The following SIPA1L1 variants were observed in gnomAD, a reference collection of about 807,000 sequenced individuals.
SIPA1L1 encodes signal-induced proliferation-associated 1-like protein 1.
In SIPA1L1, 26 loss-of-function variants were observed where a neutral mutation model predicts 162.7. The observed-to-expected ratio is 0.16, with a 90% CI of 0.12 to 0.22. The LOEUF (loss-of-function observed/expected upper bound fraction) is 0.22. Among genes scored for constraint, SIPA1L1 ranks in the 10% least tolerant of loss-of-function variants. SIPA1L1 has a pLI of 1.00. For synonymous variants in SIPA1L1, 829 were observed against 837.4 expected (o/e 0.99, Z 0.17); for missense variants, 1,874 against 2,241.0 (o/e 0.84, Z 3.31).
At chr14:71,631,898 T>C (rs980496349) in intron 7 of SIPA1L1, among the ~76,000 whole-genome samples, 1 of 152,182 alleles carries the variant, frequency 6.6e-6, no homozygotes, top group Non-Finnish European at 1.5e-5. Flanking sequence ...CTTCAGGAAG[T>C]AGTTAAGAGA....
At chr14:71,507,967 T>C (rs1346348899) in intron 2 of SIPA1L1, among the ~76,000 whole-genome samples, 1 of 152,112 alleles carries the variant, frequency 6.6e-6, no homozygotes, top group Admixed American at 6.5e-5. Context: ...GGAAATATTT[T>C]TCTACTGTAA....
intron 20 of SIPA1L1, among the ~76,000 whole-genome samples, chr14:71,732,169 C>G (rs2084851643): frequency 6.6e-6 from 1 of 152,188 alleles, no homozygotes; most frequent in Admixed American, 6.5e-5. Context: ...AGCAGCTGTA[C>G]TTCAGAGAAG....
intron 2 of SIPA1L1, among the ~76,000 whole-genome samples, chr14:71,407,521 C>T (rs2042111095): frequency 8.0e-6 from 1 of 124,534 alleles, no homozygotes; most frequent in South Asian, 2.7e-4. Context: ...CCTCCTTTCC[C>T]TCCCTCCCAG....
intron 2 of SIPA1L1, among the ~76,000 whole-genome samples, chr14:71,343,825 A>G (rs936131615): frequency 2.0e-5 from 3 of 152,330 alleles, no homozygotes; most frequent in Admixed American, 6.5e-5. Context: ...AACAAAACCA[A>G]GAACAGTGTT....
intron 3 of SIPA1L1, among the ~76,000 whole-genome samples, chr14:71,518,159 G>A (rs773831085): frequency 2.0e-5 from 3 of 151,732 alleles, no homozygotes; most frequent in Admixed American, 1.3e-4. Flanking sequence ...TGGCTCACAC[G>A]TGTAGTTTCA....
intron 2 of SIPA1L1, among the ~76,000 whole-genome samples, chr14:71,339,175 A>G (rs1272964697): frequency 1.3e-5 from 2 of 152,170 alleles, no homozygotes; most frequent in African/African-American, 4.8e-5. Flanking sequence ...TCAGGTAGGT[A>G]TAGATTCTCT....
At chr14:71,409,235 G>A (rs946587804) in intron 2 of SIPA1L1, among the ~76,000 whole-genome samples, 1 of 152,174 alleles carries the variant, frequency 6.6e-6, no homozygotes, top group East Asian at 1.9e-4. Context: ...CCAGGTGAGT[G>A]TAGAACTCTT....
At chr14:71,492,727 C>T (rs75557783) in intron 2 of SIPA1L1, among the ~76,000 whole-genome samples, 2,981 of 152,034 alleles carry the variant, frequency 0.02, 42 homozygotes, top group Non-Finnish European at 0.029. Flanking sequence ...CAGGCTCAAG[C>T]GATCCATCTC....
chr14:71,435,551 A>G (rs1040946896), intron 2 of SIPA1L1, among the ~76,000 whole-genome samples: 2 of 152,192 alleles, frequency 1.3e-5, no homozygotes, highest in African/African-American at 4.8e-5. Flanking sequence ...TATATGTGCC[A>G]CATTTTCTTA....
At chr14:71,564,591 A>T (rs1348677763) in intron 4 of SIPA1L1, among the ~76,000 whole-genome samples, 2 of 147,046 alleles carry the variant, frequency 1.4e-5, no homozygotes, top group African/African-American at 5.1e-5. Flanking sequence ...GGGTTCAGGC[A>T]ATTCTCCTGC....
intron 2 of SIPA1L1, among the ~76,000 whole-genome samples, chr14:71,356,276 G>A (rs1355907516): frequency 6.6e-6 from 1 of 151,948 alleles, no homozygotes; most frequent in African/African-American, 2.4e-5. Context: ...TAAGGAAGTA[G>A]TGAAAACATA....
At chr14:71,698,640 C>T (rs1353824506) in intron 13 of SIPA1L1, among the ~76,000 whole-genome samples, 1 of 152,222 alleles carries the variant, frequency 6.6e-6, no homozygotes, top group Non-Finnish European at 1.5e-5. Context: ...GTTAATGTCA[C>T]TTGGGTTCAA....
At chr14:71,655,336 G>A (rs1330600107) in intron 8 of SIPA1L1, among the ~76,000 whole-genome samples, 1 of 152,136 alleles carries the variant, frequency 6.6e-6, no homozygotes, top group Non-Finnish European at 1.5e-5. Context: ...ATTCCATGAT[G>A]TATATGTACC....
intron 9 of SIPA1L1, among the ~76,000 whole-genome samples, chr14:71,660,039 G>T (rs2043376734): frequency 6.6e-6 from 1 of 151,836 alleles, no homozygotes; most frequent in Non-Finnish European, 1.5e-5. Flanking sequence ...ATGGAAAAAT[G>T]GATTTGTTTC....
chr14:71,323,359 C>A (rs1018172637), intron 2 of SIPA1L1, among the ~76,000 whole-genome samples: 5 of 151,970 alleles, frequency 3.3e-5, no homozygotes, highest in Non-Finnish European at 7.4e-5. Context: ...GAAATGGGAG[C>A]ATGAGGAGAG....
Position 71,587,568 on chromosome 14 carries a change from T to C in SIPA1L1, c.-302-3T>C, listed in dbSNP as rs1238301249. On this transcript the variant is annotated splice_region_variant and splice_polypyrimidine_tract_variant and intron_variant, in intron 4 of 23. Coordinates refer to ENST00000381232, the MANE Select transcript of SIPA1L1 (RefSeq NM_001386936.1). The stretch of plus-strand genomic sequence containing the variant: ...TAATTCAAATTATCCTTTTCTCTTT[T>C]AGAGAAAGCATGGGATTATGGCAAC... 1 of 414,494 alleles carries C rather than the reference T, an allele frequency of 2.4e-6. No homozygotes were observed. The highest frequency in any genetic ancestry group is 2.0e-5 in the African/African-American group (1 of 48,814). 25.7% of individuals were successfully genotyped at this position (414,494 alleles called of 1,614,324 possible). A position where few individuals can be genotyped will look rare whatever the true frequency, so the allele number is the denominator to read the frequency against.
At chr14:71,529,254 G>A (rs1422365159) in intron 3 of SIPA1L1, 58 bp from the exon 4 acceptor site, 33 of 560,280 alleles carry the variant, frequency 5.9e-5, no homozygotes, top group Admixed American at 3.0e-5. Flanking sequence ...TACAGCTATT[G>A]TATTTTAGTG....
intron 4 of SIPA1L1, among the ~76,000 whole-genome samples, chr14:71,548,132 G>T (rs1036510318): frequency 2.6e-5 from 4 of 152,168 alleles, no homozygotes; most frequent in African/African-American, 9.7e-5. Context: ...GCATTGTTTA[G>T]TGATTTCATT....
chr14:71,534,354 T>C (rs1051921762), intron 4 of SIPA1L1, among the ~76,000 whole-genome samples: 1 of 152,232 alleles, frequency 6.6e-6, no homozygotes, highest in African/African-American at 2.4e-5. Context: ...TTATGGCTTC[T>C]AGATTAACTC....
Sources: gnomAD v4.1 joint callset for allele counts (sites outside exome capture counted in the v4.1 genomes callset) on GRCh38, gnomAD v4.1.1 for gene constraint, MANE v1.5 for transcripts, NCBI Gene and HGNC (gene_info 2026-07-23, HGNC 2026-07-21) for gene names.